GALM: variants seen among roughly 807,000 people sequenced by gnomAD.
GALM encodes aldose 1-epimerase.
A neutral mutation model predicts 37.4 loss-of-function variants in GALM; 43 were observed. The observed-to-expected ratio is 1.15, with a 90% CI of 0.90 to 1.48. GALM has a LOEUF of 1.48. GALM is among the 40% of genes most tolerant of loss of function. GALM has a pLI of 0.00. For synonymous variants in GALM, 199 were observed against 170.6 expected (o/e 1.17, Z -1.30); for missense variants, 456 against 419.1 (o/e 1.09, Z -0.77).
intron 1 of GALM, among the ~76,000 whole-genome samples, chr2:38,673,492 C>G (rs1344809566): frequency 6.6e-6 from 1 of 152,092 alleles, no homozygotes. Flanking sequence ...CGCTACTTTG[C>G]TTTTTACAGC....
chr2:38,691,866 T>C (rs1349524790), intron 4 of GALM, among the ~76,000 whole-genome samples: 2 of 152,096 alleles, frequency 1.3e-5, no homozygotes, highest in Non-Finnish European at 2.9e-5. Context: ...TATGTAGCTT[T>C]TTAAAAAATA....
chr2:38,714,362 G>T (rs1373638114), intron 4 of GALM, among the ~76,000 whole-genome samples: 1 of 152,008 alleles, frequency 6.6e-6, no homozygotes, highest in Non-Finnish European at 1.5e-5. Context: ...CTACAGGCGT[G>T]CACCACCACA....
chr2:38,719,884 A>T (rs1267964134), intron 4 of GALM, among the ~76,000 whole-genome samples: 1 of 148,654 alleles, frequency 6.7e-6, no homozygotes, highest in African/African-American at 2.5e-5. Flanking sequence ...TAGGAATTTC[A>T]CTTTCCTTGC....
intron 4 of GALM, among the ~76,000 whole-genome samples, chr2:38,708,670 C>A (rs1666090733): frequency 6.9e-6 from 1 of 145,446 alleles, no homozygotes; most frequent in Non-Finnish European, 1.5e-5. Context: ...GCGGAGCTGG[C>A]AGTGAGCAAG....
At chr2:38,721,697 G>A (rs996778404) in intron 4 of GALM, among the ~76,000 whole-genome samples, 1 of 151,906 alleles carries the variant, frequency 6.6e-6, no homozygotes, top group Non-Finnish European at 1.5e-5. Context: ...TTAATTTTTT[G>A]TAGAGACGGG....
intron 3 of GALM, among the ~76,000 whole-genome samples, chr2:38,684,901 T>C (rs1665485648): frequency 6.6e-6 from 1 of 152,054 alleles, no homozygotes; most frequent in Admixed American, 6.6e-5. Context: ...TGAAAAGCAA[T>C]AGCATGTGGT....
intron 4 of GALM, among the ~76,000 whole-genome samples, chr2:38,726,239 T>A (rs1666484291): frequency 7.4e-6 from 1 of 134,466 alleles, no homozygotes. Flanking sequence ...TATTTTTTTT[T>A]TTTTTGAGAC....
intron 6 of GALM, 93 bp downstream of exon 6, chr2:38,732,002 CA>C: frequency 2.8e-6 from 3 of 1,064,146 alleles, no homozygotes. Flanking sequence ...TTGTATGATT[CA>C]AAAGTTCATG....
chr2:38,690,010 T>C (rs1665635049), intron 4 of GALM, 116 bp downstream of exon 4: 1 of 619,178 alleles, frequency 1.6e-6, no homozygotes, highest in Admixed American at 3.2e-5. Flanking sequence ...GTTTAGTTAA[T>C]AGAATTATTC....
intron 4 of GALM, among the ~76,000 whole-genome samples, chr2:38,696,781 C>CTTTTTTTT (rs34163863): frequency 2.9e-5 from 2 of 68,462 alleles, no homozygotes; most frequent in African/African-American, 6.6e-5. Context: ...CCCAAGAAAG[C>CTTTTTTTT]TTTTTTTTTT....
At chr2:38,707,670 A>G (rs143137362) in intron 4 of GALM, among the ~76,000 whole-genome samples, 1 of 152,204 alleles carries the variant, frequency 6.6e-6, no homozygotes, top group African/African-American at 2.4e-5. Flanking sequence ...CTGGTTCCCA[A>G]CTAGGCAGCT....
intron 4 of GALM, among the ~76,000 whole-genome samples, chr2:38,692,653 T>C (rs1384578516): frequency 6.6e-6 from 1 of 152,202 alleles, no homozygotes; most frequent in Non-Finnish European, 1.5e-5. Flanking sequence ...TGCTGGGCTC[T>C]CTAGGAGTTG....
chr2:38,723,683 C>T (rs1240194259), intron 4 of GALM, among the ~76,000 whole-genome samples: 2 of 151,672 alleles, frequency 1.3e-5, no homozygotes, highest in Non-Finnish European at 2.9e-5. Flanking sequence ...CACAGCTACT[C>T]GGGAGGCTGA....
At chr2:38,672,991 A>G (rs1055317747) in intron 1 of GALM, among the ~76,000 whole-genome samples, 1 of 152,200 alleles carries the variant, frequency 6.6e-6, no homozygotes, top group East Asian at 1.9e-4. Context: ...CCCAGGCTAT[A>G]AGAGCAAAAC....
intron 1 of GALM, among the ~76,000 whole-genome samples, chr2:38,672,290 C>T (rs1665128288): frequency 6.6e-6 from 1 of 152,064 alleles, no homozygotes; most frequent in Admixed American, 6.5e-5. Context: ...AGTCAAACAT[C>T]TTGTTTTTTA....
chr2:38,708,692 G>T (rs993077647), intron 4 of GALM, among the ~76,000 whole-genome samples: 95 of 146,470 alleles, frequency 6.5e-4, no homozygotes, highest in Non-Finnish European at 9.9e-4. Flanking sequence ...TCATGCCATT[G>T]CACTCCAGCC....
intron 4 of GALM, among the ~76,000 whole-genome samples, chr2:38,700,141 A>G (rs1438458326): frequency 6.6e-6 from 1 of 152,088 alleles, no homozygotes; most frequent in Non-Finnish European, 1.5e-5. Flanking sequence ...TAGTAGAGAC[A>G]GGGTTTTACC....
chr2:38,721,316 T>C (rs1043714440), intron 4 of GALM, among the ~76,000 whole-genome samples: 2 of 152,198 alleles, frequency 1.3e-5, no homozygotes, highest in African/African-American at 4.8e-5. Flanking sequence ...TAAAGTCCTA[T>C]TTCCAGTGAT....
At chr2:38,703,277 TTG>T (rs1287618107) in intron 4 of GALM, among the ~76,000 whole-genome samples, 2 of 149,706 alleles carry the variant, frequency 1.3e-5, no homozygotes, top group East Asian at 4.0e-4. Flanking sequence ...CTGGCTAATT[TTG>T]TATTTTTAGT....
Sources: allele counts gnomAD v4.1 joint callset (sites outside exome capture counted in the v4.1 genomes callset), GRCh38; gene constraint gnomAD v4.1.1; transcripts MANE v1.5; gene names NCBI Gene and HGNC (gene_info 2026-07-23, HGNC 2026-07-21).